Variants in LYRM4 observed in about 807,000 individuals in gnomAD.
LYRM4 encodes LYR motif containing 4.
LYRM4 carries 9 observed loss-of-function variants against 11.7 expected under a neutral mutation model. The observed-to-expected ratio is 0.77, with a 90% confidence interval of 0.46 to 1.34. The LOEUF (loss-of-function observed/expected upper bound fraction) is 1.34. Ranked by LOEUF, LYRM4 falls within the 40% of genes most tolerant of loss-of-function variation. The pLI, the probability that LYRM4 is intolerant of heterozygous loss-of-function variation, is 0.00. For synonymous variants in LYRM4, 42 were observed against 40.4 expected, an observed-to-expected ratio of 1.04 and a Z score of -0.15; for missense variants, 133 against 112.5, an observed-to-expected ratio of 1.18 and a Z score of -0.82.
intron 2 of LYRM4, among the ~76,000 whole-genome samples, chr6:5,190,320 T>C (rs1014195173): frequency 6.6e-6 from 1 of 152,108 alleles, no homozygotes; most frequent in African/African-American, 2.4e-5. Context: ...TCTCCTGATA[T>C]ATAGATAGAT....
At position 5,260,751 on chromosome 6, in the gene LYRM4, A is replaced by G; in HGVS notation, c.-18T>C. 1 of 1,542,910 alleles carries G rather than the reference A, an allele frequency of 6.5e-7. No homozygotes were observed. Among genetic ancestry groups the G allele is most frequent in the Non-Finnish European group, 8.7e-7 (1 of 1,146,832 alleles). ...GCTGCCATTTTGGAAAGAAAAAAAAATAAACGGGTCCTCTTCGCCGAGGTC... is the reference window on the plus strand; with the variant it reads ...GCTGCCATTTTGGAAAGAAAAAAAAGTAAACGGGTCCTCTTCGCCGAGGTC... On this transcript the variant is annotated 5_prime_UTR_variant, in exon 1 of 3. Coordinates refer to ENST00000330636, the MANE Select transcript of LYRM4 (RefSeq NM_020408.6).
rs2127592684 is a variant in LYRM4, at chr6:5,109,305, C to G, written c.*118G>C. On this transcript the variant is annotated 3_prime_UTR_variant, in exon 3 of 3. Coordinates refer to ENST00000330636, the MANE Select transcript of LYRM4 (RefSeq NM_020408.6). ...CAAATGTGACTTGGTTTATCAGCTC[C>G]CACAGGACAGGCAGCGCAAAAGGCT... 6.4e-7 allele frequency: 1 copy of G among 1,557,586 alleles called. No homozygotes were observed. The highest frequency in any genetic ancestry group is 2.3e-5 in the East Asian group (1 of 43,974).
chr6:5,141,634 AAAGTAAAATCCC>A (rs1757415101), intron 2 of LYRM4, among the ~76,000 whole-genome samples: 1 of 152,212 alleles, frequency 6.6e-6, no homozygotes, highest in South Asian at 2.1e-4. Flanking sequence ...ACAGAGCAGG[AAAGTAAAATCCC>A]AAAAAGCCAA....
intron 2 of LYRM4, among the ~76,000 whole-genome samples, chr6:5,110,088 GTGGATGC>G: frequency 6.6e-6 from 1 of 152,246 alleles, no homozygotes; most frequent in East Asian, 1.9e-4. Context: ...ACTGTCCCAG[GTGGATGC>G]TGGAGCCATC....
the LYRM4 span, chr6:5,089,075 A>C: frequency 1.3e-5 from 2 of 152,246 alleles, no homozygotes; most frequent in East Asian, 3.8e-4. Context: ...AAAATAATTT[A>C]TTGACAGCAA....
intron 2 of LYRM4, among the ~76,000 whole-genome samples, chr6:5,183,434 T>C (rs911563457): frequency 2.6e-5 from 4 of 152,200 alleles, no homozygotes; most frequent in African/African-American, 9.6e-5. Context: ...ATGCATTAAA[T>C]GGTAACTGCT....
the LYRM4 span, among the ~76,000 whole-genome samples, chr6:5,037,699 A>T: frequency 3.0e-4 from 7 of 22,986 alleles, 1 homozygote; most frequent in African/African-American, 7.3e-4. Flanking sequence ...TGACCCCCCC[A>T]CCTCCCTCCC....
chr6:5,258,108 C>T (rs537822889), intron 1 of LYRM4, among the ~76,000 whole-genome samples: 2 of 152,180 alleles, frequency 1.3e-5, no homozygotes, highest in Admixed American at 6.5e-5. Context: ...CCCAACAGGA[C>T]GTGGCACATT....
the LYRM4 span, among the ~76,000 whole-genome samples, chr6:5,039,514 A>T: frequency 6.6e-6 from 1 of 152,234 alleles, no homozygotes; most frequent in African/African-American, 2.4e-5. Context: ...TACAATCTAA[A>T]GTAACAACCT....
chr6:5,207,014 A>G (rs1375246308), intron 2 of LYRM4, among the ~76,000 whole-genome samples: 1 of 152,222 alleles, frequency 6.6e-6, no homozygotes, highest in African/African-American at 2.4e-5. Context: ...CGCCTTTAGT[A>G]GAAACACTGA....
chr6:5,120,812 T>C (rs1302288390), intron 2 of LYRM4, among the ~76,000 whole-genome samples: 1 of 152,150 alleles, frequency 6.6e-6, no homozygotes, highest in South Asian at 2.1e-4. Flanking sequence ...AGAGTGCCGA[T>C]TGGTGCGTTT....
chr6:5,083,638 A>G, the LYRM4 span, among the ~76,000 whole-genome samples: 116,585 of 152,126 alleles, frequency 0.77, 45,345 homozygotes, highest in East Asian at 0.9. Context: ...GGCAGGAATG[A>G]TGTGATTCCT....
intron 2 of LYRM4, among the ~76,000 whole-genome samples, chr6:5,110,945 G>T (rs901114666): frequency 2.6e-5 from 4 of 152,194 alleles, no homozygotes; most frequent in Non-Finnish European, 1.5e-5. Context: ...CTTGAGGGCT[G>T]TGAGGAGCCG....
rs144381250 is a variant in LYRM4 at position 5,239,913 on chromosome 6, G to A, written c.86+20735C>T. On this transcript the variant is annotated intron_variant, in intron 1 of 2. Transcript: ENST00000330636. ...CCATAGGGAACAGTACCTGGCCATGGCGCAGAACAAGTGCATGAGAGGACA... is the reference window on the plus strand; with the variant it reads ...CCATAGGGAACAGTACCTGGCCATGACGCAGAACAAGTGCATGAGAGGACA... Among the ~76,000 whole-genome samples the A allele has an allele frequency of 2.6e-3, 401 of 152,286 alleles. 2 individuals carry two copies. The highest frequency in any genetic ancestry group is 9.4e-3 in the African/African-American group (390 of 41,572).
chr6:5,032,496 T>C, the LYRM4 span: 2 of 152,168 alleles, frequency 1.3e-5, no homozygotes, highest in Non-Finnish European at 2.9e-5. Context: ...AAATGTACAA[T>C]AAAAATAGAT....
chr6:5,089,192 G>A, the LYRM4 span: 2 of 151,998 alleles, frequency 1.3e-5, no homozygotes, highest in Non-Finnish European at 2.9e-5. Context: ...AAACTTTGAC[G>A]AAAAATAAAT....
chr6:5,075,116 C>T, the LYRM4 span, among the ~76,000 whole-genome samples: 1 of 152,186 alleles, frequency 6.6e-6, no homozygotes, highest in African/African-American at 2.4e-5. Context: ...CTTCCTGAGG[C>T]CTCCCCAGAA....
At chr6:5,223,761 G>C (rs1762722596) in intron 1 of LYRM4, among the ~76,000 whole-genome samples, 1 of 152,308 alleles carries the variant, frequency 6.6e-6, no homozygotes, top group South Asian at 2.1e-4. Flanking sequence ...TTTTAAAAAG[G>C]AAGAGGGCAA....
chr6:5,187,051 A>G (rs1760446047), intron 2 of LYRM4: 4 of 968,580 alleles, frequency 4.1e-6, no homozygotes, highest in Non-Finnish European at 4.9e-6. Context: ...CAAACGAGGA[A>G]CTGTATTTGT....
Sources: allele counts gnomAD v4.1 joint callset (sites outside exome capture counted in the v4.1 genomes callset), GRCh38; gene constraint gnomAD v4.1.1; transcripts MANE v1.5; gene names NCBI Gene and HGNC (gene_info 2026-07-23, HGNC 2026-07-21).